Variants in ABCA8 observed in about 807,000 individuals in gnomAD.
ABCA8 encodes ABC-type organic anion transporter ABCA8.
ABCA8 carries 177 observed loss-of-function variants against 192.3 expected under a neutral mutation model. That is an observed-to-expected ratio of 0.92 (90% CI 0.81 to 1.04). The LOEUF (loss-of-function observed/expected upper bound fraction) is 1.04. Ranked by LOEUF, ABCA8 falls within the 50% of genes least tolerant of loss-of-function variation. The pLI is 0.00. For synonymous variants in ABCA8, 642 were observed against 690.2 expected (o/e 0.93, Z 1.09); for missense variants, 1,915 against 1,904.8 (o/e 1.01, Z -0.10).
intron 1 of ABCA8, among the ~76,000 whole-genome samples, chr17:68,954,113 GC>G (rs2068647335): frequency 6.7e-6 from 1 of 150,218 alleles, no homozygotes; most frequent in Non-Finnish European, 1.5e-5. Context: ...GTATACATGT[GC>G]CACGCTGGTG....
chr17:68,927,927 T>G lies in ABCA8; in HGVS notation c.1262A>C (p.Lys421Thr), dbSNP rs2067748409. ...ATATCATTACTCACTTGGCAAAATTTTTTCAAAGTAAATCGCCAATGCCAG... is the reference window on the plus strand; with the variant it reads ...ATATCATTACTCACTTGGCAAAATTGTTTCAAAGTAAATCGCCAATGCCAG... ...LYLALAIYFEKILPNEYGHRR... is the reference protein window; with the variant it reads ...LYLALAIYFETILPNEYGHRR... The change falls in exon 10 of 40, where the codon AAA becomes ACA. Residue 421 changes from lysine to threonine, a missense_variant. Lys to Thr is a moderately conservative substitution (Grantham distance 78). Transcript: ENST00000586539. 6.3e-7 allele frequency: 1 copy of G among 1,597,808 alleles called. No homozygotes were observed. The highest frequency in any genetic ancestry group is 1.4e-5 in the African/African-American group (1 of 74,030).
chr17:68,908,470 T>C (rs1362453243), intron 17 of ABCA8, among the ~76,000 whole-genome samples: 1 of 152,210 alleles, frequency 6.6e-6, no homozygotes, highest in South Asian at 2.1e-4. Context: ...TGGAGTTCAT[T>C]GTCTAGTGCG....
chr17:68,868,377 A>G (rs2065968264), intron 38 of ABCA8, 21 bp from the exon 39 acceptor site: 1 of 1,595,602 alleles, frequency 6.3e-7, no homozygotes, highest in African/African-American at 1.3e-5. Flanking sequence ...ATGAACATGT[A>G]TTAGTTCATA....
intron 9 of ABCA8, 118 bp from the exon 10 acceptor site, chr17:68,928,181 A>G: frequency 3.9e-6 from 3 of 764,650 alleles, no homozygotes; most frequent in Non-Finnish European, 5.8e-6. Flanking sequence ...ATAGAGTTAT[A>G]TAGGGAGACT....
intron 1 of ABCA8, among the ~76,000 whole-genome samples, chr17:68,949,802 C>T (rs1441127169): frequency 6.6e-6 from 1 of 152,076 alleles, no homozygotes; most frequent in African/African-American, 2.4e-5. Flanking sequence ...CTCAAAATAA[C>T]AAGAGCTCTT....
Position 68,876,545 on chromosome 17 carries a change from CA to C in ABCA8, c.4284del (p.Phe1428LeufsTer3). On this transcript the variant is annotated frameshift_variant, in exon 35 of 40. Transcript: ENST00000586539. LOFTEE classifies it high-confidence loss of function. ...GACGGGTTCCCCAGTATGCTCAGGACAAAGCACAGCTGCAACGGGAGGAACA... is the reference window on the plus strand; with the variant it reads ...GACGGGTTCCCCAGTATGCTCAGGACAAGCACAGCTGCAACGGGAGGAACA... The part of the protein sequence containing the change: ...LSEGIKRKLC[F>X]VLSILGNPSV... The C allele has an allele frequency of 6.2e-7, 1 of 1,614,142 alleles. No homozygotes were observed. Among genetic ancestry groups the C allele is most frequent in the South Asian group, 1.1e-5 (1 of 91,086 alleles).
intron 12 of ABCA8, 28 bp downstream of exon 12, chr17:68,922,192 CTCTTTTTTTTTTTTTTTTTTTT>C (rs2067554323): frequency 4.2e-6 from 2 of 477,586 alleles, no homozygotes; most frequent in African/African-American, 8.4e-5. Flanking sequence ...CTTTCTCTCT[CTCTTTTTTTTTTTTTTTTTTTT>C]TTTTTTTTTT....
At chr17:68,929,988 G>T (rs1043170208) in intron 7 of ABCA8, among the ~76,000 whole-genome samples, 10 of 132,660 alleles carry the variant, frequency 7.5e-5, no homozygotes, top group African/African-American at 2.0e-4. Context: ...TGGGGGCGGT[G>T]GGGGGGGAAT....
intron 38 of ABCA8, among the ~76,000 whole-genome samples, chr17:68,868,807 T>A (rs1355127938): frequency 2.0e-5 from 3 of 152,152 alleles, no homozygotes; most frequent in Non-Finnish European, 4.4e-5. Context: ...TTAGGAACTG[T>A]TCTTTTGACC....
Position 68,894,655 on chromosome 17 carries a change from A to G in ABCA8, c.2898+225T>C. ...AAACATGAAATGTTCGAACTTATATATAGTCTTGATAGTAGGTATTCTATA... is the reference window on the plus strand; with the variant it reads ...AAACATGAAATGTTCGAACTTATATGTAGTCTTGATAGTAGGTATTCTATA... On this transcript the variant is annotated intron_variant, in intron 22 of 39. Transcript: ENST00000586539. The G allele has an allele frequency of 3.7e-6, 2 of 537,702 alleles. 1 individual carries two copies. The highest frequency in any genetic ancestry group is 6.2e-5 in the East Asian group (2 of 32,512). 33.3% of individuals were successfully genotyped at this position (537,702 alleles called of 1,614,324 possible).
chr17:68,933,226 A>T lies in ABCA8; in HGVS notation c.512T>A (p.Val171Glu), dbSNP rs191099127. 1.6e-4 allele frequency: 251 copies of T among 1,613,356 alleles called. No homozygotes were observed. The East Asian group carries it at 5.6e-3, about 36-fold the overall frequency. The part of the protein sequence containing the change: ...TNEDVYCEVS[V>E]FWKEGFVALQ... ...AGCCACAAAACCTTCCTTCCAAAAT[A>T]CTGAAACTTCACAGTAAACATCTTC... The change falls in exon 6 of 40, where the codon GTA (valine) becomes GAA (glutamate). Residue 171 changes from valine to glutamate, a missense_variant. Val to Glu is a moderately radical substitution (Grantham distance 121). Coordinates refer to ENST00000586539, the MANE Select transcript of ABCA8 (RefSeq NM_001288985.2).
chr17:68,889,016 G>C (rs755776078), intron 24 of ABCA8, among the ~76,000 whole-genome samples: 8 of 152,222 alleles, frequency 5.3e-5, no homozygotes, highest in African/African-American at 1.9e-4. Flanking sequence ...GCCAAAGAAA[G>C]TGTTCATGTT....
Position 68,894,899 on chromosome 17 carries a change from G to A in ABCA8, c.2879C>T (p.Thr960Ile). 1 of 1,613,328 alleles carries A rather than the reference G, an allele frequency of 6.2e-7. No homozygotes were observed. Among genetic ancestry groups the A allele is most frequent in the Non-Finnish European group, 8.5e-7 (1 of 1,179,662 alleles). ...TDDPSYNGAI[T>I]VCCNEKNYSF... ...GCATACCTTTTCATTACAACACACTGTGATGGCTCCATTATAAGATGGGTC... is the reference window on the plus strand; with the variant it reads ...GCATACCTTTTCATTACAACACACTATGATGGCTCCATTATAAGATGGGTC... Residue 960 changes from threonine (T) to isoleucine (I), a missense_variant, in exon 22 of 40, where the codon ACA becomes ATA. Transcript: ENST00000586539.
chr17:68,923,206 A>ATTAT (rs1555614700), intron 11 of ABCA8, among the ~76,000 whole-genome samples: 35 of 145,930 alleles, frequency 2.4e-4, no homozygotes, highest in Non-Finnish European at 7.5e-5. Context: ...TATTATTATT[A>ATTAT]TTTTTTTTTT....
rs1314938680 is a variant in ABCA8 at position 68,891,564 on chromosome 17, T to C, written c.3069A>G (p.Ala1023=). 2 of 1,612,944 alleles carry C rather than the reference T, an allele frequency of 1.2e-6. No homozygotes were observed. Among genetic ancestry groups the C allele is most frequent in the Non-Finnish European group, 1.7e-6 (2 of 1,179,722 alleles). The change falls in exon 24 of 40, where the codon GCA becomes GCG. Residue 1023 remains alanine, a synonymous_variant. Coordinates refer to ENST00000586539, the MANE Select transcript of ABCA8 (RefSeq NM_001288985.2). The part of the protein sequence containing the change: ...NGQDNPIGFL[A]YIMFWLVLTS... ...TTAAAACCAGCCAGAACATGATATA[T>C]GCCAGGAATCCGATTGGATTGTCCT...
chr17:68,931,791 A>G (rs1336748004), intron 7 of ABCA8: 2 of 79,908 alleles, frequency 2.5e-5, no homozygotes, highest in Non-Finnish European at 4.8e-5. Context: ...TTTTTTGTCC[A>G]TCACTGCAGA....
At position 68,881,958 on chromosome 17, in the gene ABCA8, C is replaced by T. The variant is rs34987539; in HGVS notation, c.3851G>A (p.Cys1284Tyr). Residue 1284 changes from cysteine (C) to tyrosine (Y), a missense_variant, in exon 31 of 40, where the codon TGT becomes TAT. Transcript: ENST00000586539. ...FDEKPVIIAS[C>Y]LRKEYAGKRK... ...CTTCCCTGCATACTCCTTGCGTAGA[C>T]AGCTGGCAATGATGACTGGCTTCTG... 19,020 of 1,613,786 alleles carry T rather than the reference C, an allele frequency of 0.012. 159 individuals carry two copies. Among genetic ancestry groups the T allele is most frequent in the Non-Finnish European group, 0.014 (16,692 of 1,179,702 alleles).
At chr17:68,938,611 A>C (rs2068139852) in intron 4 of ABCA8, among the ~76,000 whole-genome samples, 1 of 152,110 alleles carries the variant, frequency 6.6e-6, no homozygotes, top group South Asian at 2.1e-4. Context: ...CATAATATTC[A>C]CCCTTTTAAT....
Position 68,902,810 on chromosome 17 carries a change from GT to G in ABCA8, c.2666del (p.Asn889ThrfsTer28), listed in dbSNP as rs755807867. 6.2e-7 allele frequency: 1 copy of G among 1,613,622 alleles called. No homozygotes were observed. The highest frequency in any genetic ancestry group is 8.5e-7 in the Non-Finnish European group (1 of 1,179,610). On this transcript the variant is annotated frameshift_variant, in exon 21 of 40. Coordinates refer to ENST00000586539, the MANE Select transcript of ABCA8 (RefSeq NM_001288985.2). LOFTEE classifies it high-confidence loss of function. ...VEYTMVKIYQ[N>X]SYTWELSPHL... ...GAGGAGAAAGTTCCCAGGTGTAACT[GT>G]TTTGATATATTTTCACCATGGTATA...
Sources: gnomAD v4.1 joint callset for allele counts (sites outside exome capture counted in the v4.1 genomes callset) on GRCh38, gnomAD v4.1.1 for gene constraint, MANE v1.5 for transcripts, NCBI Gene and HGNC (gene_info 2026-07-23, HGNC 2026-07-21) for gene names.